The following ROCK2 variants were observed in gnomAD, a reference collection of about 807,000 sequenced individuals.
ROCK2 encodes Rho associated coiled-coil containing protein kinase 2, also known as rho-associated protein kinase 2.
Under a neutral mutation model 195.1 loss-of-function variants are expected in ROCK2, and 61 were observed. That is an observed-to-expected ratio of 0.31 (90% confidence interval 0.25 to 0.39). The LOEUF (loss-of-function observed/expected upper bound fraction) is 0.39. Ranked by LOEUF, ROCK2 falls within the 10% of genes least tolerant of loss-of-function variation. The pLI is 1.00. For missense variants in ROCK2, 1,109 were observed against 1,637.4 expected, an observed-to-expected ratio of 0.68 and a Z score of 5.57; for synonymous variants, 504 against 545.5, an observed-to-expected ratio of 0.92 and a Z score of 1.06.
At chr2:11,288,001 T>C (rs1354785436) in intron 1 of ROCK2, among the ~76,000 whole-genome samples, 1 of 152,230 alleles carries the variant, frequency 6.6e-6, no homozygotes, top group Non-Finnish European at 1.5e-5. Context: ...CTATTATTAT[T>C]TTTGCTAGAC....
At position 11,182,185 on chromosome 2, in the gene ROCK2, T is replaced by C. The variant is rs968891466; in HGVS notation, c.*1252A>G. On this transcript the variant is annotated 3_prime_UTR_variant, in exon 33 of 33. Transcript: ENST00000315872. ...ATTAAGTGCCTTTGAGGCCACTTCT[T>C]CCCAGTTGCCAGTTTTCTTAACCCG... 6.6e-6 allele frequency: 1 copy of C among 152,140 alleles called. No individual in the cohort carries two copies. Among genetic ancestry groups the C allele is most frequent in the Non-Finnish European group, 1.5e-5 (1 of 68,034 alleles). The allele number at this position is 152,140 out of a possible 1,614,324, so 9.4% of individuals were successfully genotyped here. A position where few individuals can be genotyped will look rare whatever the true frequency, so the allele number is the denominator to read the frequency against.
chr2:11,295,099 G>T (rs1280470239), intron 1 of ROCK2, among the ~76,000 whole-genome samples: 2 of 150,216 alleles, frequency 1.3e-5, no homozygotes, highest in South Asian at 2.1e-4. Flanking sequence ...TGCATTACTA[G>T]ATTTCTTATG....
At chr2:11,193,070 TGAA>T (rs1181585754) in intron 30 of ROCK2, among the ~76,000 whole-genome samples, 1 of 152,176 alleles carries the variant, frequency 6.6e-6, no homozygotes, top group Non-Finnish European at 1.5e-5. Flanking sequence ...AATAATCACT[TGAA>T]GAAATGTGGC....
chr2:11,239,176 C>A (rs961114814), intron 4 of ROCK2, among the ~76,000 whole-genome samples: 3 of 151,864 alleles, frequency 2.0e-5, no homozygotes, highest in African/African-American at 7.3e-5. Flanking sequence ...TTAGATATAA[C>A]ACCAAAAACG....
intron 3 of ROCK2, among the ~76,000 whole-genome samples, chr2:11,283,586 G>GAAAGAAAT: frequency 8.5e-6 from 1 of 117,354 alleles, no homozygotes; most frequent in Non-Finnish European, 1.8e-5. Flanking sequence ...AAAAAAAAAA[G>GAAAGAAAT]CAAGAAAGAA....
intron 3 of ROCK2, among the ~76,000 whole-genome samples, chr2:11,256,737 A>T (rs1226496843): frequency 6.6e-6 from 1 of 151,500 alleles, no homozygotes; most frequent in Admixed American, 6.5e-5. Context: ...TATAAGAGAT[A>T]AGGTAATTTA....
chr2:11,309,456 C>T (rs976491167), intron 1 of ROCK2, among the ~76,000 whole-genome samples: 3 of 152,110 alleles, frequency 2.0e-5, no homozygotes, highest in Admixed American at 6.5e-5. Context: ...AGCTTATACA[C>T]GACTCCCACC....
At chr2:11,300,203 A>G (rs1667661390) in intron 1 of ROCK2, among the ~76,000 whole-genome samples, 1 of 152,196 alleles carries the variant, frequency 6.6e-6, no homozygotes, top group African/African-American at 2.4e-5. Flanking sequence ...TGGCAATAAC[A>G]GCACCTTAAG....
Position 11,230,271 on chromosome 2 carries a change from C to T in ROCK2, c.724-2873G>A, listed in dbSNP as rs1664957207. On this transcript the variant is annotated intron_variant, in intron 5 of 32. Transcript: ENST00000315872. ...GAGACAGAGAAAATATAAGACAAGT[C>T]TTGAACATTGTATAGTGTCAAAAAA... 5.3e-5 allele frequency among the ~76,000 whole-genome samples: 8 copies of T among 151,958 alleles called. No homozygotes were observed. In the South Asian group the frequency reaches 1.7e-3, roughly 32 times the overall value.
intron 5 of ROCK2, among the ~76,000 whole-genome samples, chr2:11,230,485 C>T (rs996087014): frequency 4.6e-5 from 7 of 152,114 alleles, no homozygotes; most frequent in African/African-American, 1.7e-4. Context: ...CTACATGTAA[C>T]TCAAGACTTC....
intron 18 of ROCK2, 126 bp downstream of exon 18, chr2:11,211,551 AGTTT>A: frequency 1.3e-6 from 1 of 776,716 alleles, no homozygotes. Context: ...CTTCCCTAAT[AGTTT>A]TTTTCCCTCC....
chr2:11,317,152 A>G (rs990264876), intron 1 of ROCK2, among the ~76,000 whole-genome samples: 1 of 152,158 alleles, frequency 6.6e-6, no homozygotes, highest in Non-Finnish European at 1.5e-5. Flanking sequence ...CACAGAAATG[A>G]TGCAAGTAAC....
intron 3 of ROCK2, among the ~76,000 whole-genome samples, chr2:11,254,194 GACA>G (rs983009276): frequency 3.9e-5 from 6 of 152,112 alleles, no homozygotes; most frequent in African/African-American, 1.4e-4. Flanking sequence ...CATCAAAAAT[GACA>G]AAACACACAA....
chr2:11,339,205 T>C (rs1669028212), intron 1 of ROCK2, among the ~76,000 whole-genome samples: 1 of 152,174 alleles, frequency 6.6e-6, no homozygotes, highest in African/African-American at 2.4e-5. Context: ...ATATCTCCAA[T>C]TTACTTTAAG....
At position 11,201,516 on chromosome 2, in the gene ROCK2, T is replaced by A; in HGVS notation, c.2620-103A>T. The A allele has an allele frequency of 1.5e-6, 1 of 687,788 alleles. No homozygotes were observed. 42.6% of individuals were successfully genotyped at this position (687,788 alleles called of 1,614,324 possible). A position where few individuals can be genotyped will look rare whatever the true frequency, so the allele number is the denominator to read the frequency against. On this transcript the variant is annotated intron_variant, in intron 21 of 32. Coordinates refer to ENST00000315872, the MANE Select transcript of ROCK2 (RefSeq NM_004850.5). This position sits in a 1 kb window ranked among gnomAD's most constrained non-coding sequence, Gnocchi z 4.6. ...AAGGAGAATGAACACATACAAATAT[T>A]TTCTTACTGCTAAGTCCCCGAGCAA...
At chr2:11,190,382 A>T (rs1012012766) in intron 32 of ROCK2, among the ~76,000 whole-genome samples, 21 of 150,888 alleles carry the variant, frequency 1.4e-4, no homozygotes, top group African/African-American at 4.9e-4. Context: ...AAAAAAAAAA[A>T]GTAACAAAAA....
At chr2:11,247,739 G>A (rs1034659989) in intron 4 of ROCK2, among the ~76,000 whole-genome samples, 1 of 152,170 alleles carries the variant, frequency 6.6e-6, no homozygotes, top group African/African-American at 2.4e-5. Context: ...TGGTATGCAG[G>A]CCAGGCGCAG....
chr2:11,262,605 G>A (rs1403701359), intron 3 of ROCK2, among the ~76,000 whole-genome samples: 1 of 152,146 alleles, frequency 6.6e-6, no homozygotes, highest in Admixed American at 6.5e-5. Context: ...GAGTTTTCCT[G>A]CACAAGCTCT....
chr2:11,282,836 T>C (rs1667053557), intron 3 of ROCK2, among the ~76,000 whole-genome samples: 1 of 152,058 alleles, frequency 6.6e-6, no homozygotes, highest in Admixed American at 6.6e-5. Flanking sequence ...GGGAAAATAT[T>C]TGAAAAACAC....
Sources: allele counts gnomAD v4.1 joint callset (sites outside exome capture counted in the v4.1 genomes callset), GRCh38; gene constraint gnomAD v4.1.1; non-coding constraint Gnocchi (gnomAD v3.1); transcripts MANE v1.5; gene names NCBI Gene and HGNC (gene_info 2026-07-23, HGNC 2026-07-21).